Variants in SRGAP3 observed in about 807,000 individuals in gnomAD.
The protein encoded by SRGAP3 is SLIT-ROBO Rho GTPase-activating protein 3.
In SRGAP3, 39 loss-of-function variants were observed where a neutral mutation model predicts 121.1. That is an observed-to-expected ratio of 0.32 (90% CI 0.25 to 0.42). The LOEUF (loss-of-function observed/expected upper bound fraction) is 0.42. Ranked by LOEUF, SRGAP3 falls within the 10% of genes least tolerant of loss-of-function variation. The probability of loss-of-function intolerance (pLI) is 1.00; values close to 1 mark genes in which losing one functional copy is unlikely to be tolerated. For missense variants in SRGAP3, 1,213 were observed against 1,470.6 expected, an observed-to-expected ratio of 0.82 and a Z score of 2.86; for synonymous variants, 601 against 570.0, an observed-to-expected ratio of 1.05 and a Z score of -0.77.
intron 4 of SRGAP3, among the ~76,000 whole-genome samples, chr3:9,071,368 G>A (rs1226320812): frequency 2.0e-5 from 3 of 152,076 alleles, no homozygotes; most frequent in South Asian, 2.1e-4. Flanking sequence ...ATCCTGGGGT[G>A]GGCATGAGAC....
Position 9,204,652 on chromosome 3 carries a change from T to C in SRGAP3, c.67+44233A>G, listed in dbSNP as rs1383283935. On this transcript the variant is annotated intron_variant, in intron 1 of 21. Coordinates refer to ENST00000383836, the MANE Select transcript of SRGAP3 (RefSeq NM_014850.4). ...CGAGGTACCAACTCTCCCTAAGGTC[T>C]TTTTTTTTTTTAAGTCCTAAGTGAA... Among the ~76,000 whole-genome samples the C allele has an allele frequency of 5.1e-3, 31 of 6,100 alleles. 2 individuals are homozygous for C. Among genetic ancestry groups the C allele is most frequent in the African/African-American group, 0.032 (31 of 960 alleles). 4.0% of individuals were successfully genotyped at this position (6,100 alleles called of 152,430 possible). A position where few individuals can be genotyped will look rare whatever the true frequency, so the allele number is the denominator to read the frequency against.
In SRGAP3 at chr3:9,000,840, G is replaced by C. The variant is rs1402193499; in HGVS notation, c.2228-6317C>G. ...AATAGCAATCATCCAGCAATTAGTAGAGATTAACAGCCGGAAAGGATCCGG... is the reference window on the plus strand; with the variant it reads ...AATAGCAATCATCCAGCAATTAGTACAGATTAACAGCCGGAAAGGATCCGG... On this transcript the variant is annotated intron_variant, in intron 18 of 21. Transcript: ENST00000383836. Among the ~76,000 whole-genome samples the C allele has an allele frequency of 2.6e-5, 4 of 152,178 alleles. No individual in the cohort carries two copies. In the South Asian group the frequency reaches 6.2e-4, roughly 24 times the overall value.
chr3:9,270,755 G>T (rs1286905886), intron 3 of SRGAP3, among the ~76,000 whole-genome samples: 1 of 152,068 alleles, frequency 6.6e-6, no homozygotes, highest in Non-Finnish European at 1.5e-5. Flanking sequence ...GAAGGGAGGT[G>T]GGAGTTTCAT....
chr3:9,030,971 T>C (rs1340361257), intron 12 of SRGAP3, among the ~76,000 whole-genome samples: 1 of 152,182 alleles, frequency 6.6e-6, no homozygotes, highest in Non-Finnish European at 1.5e-5. Context: ...TTGTTTATTT[T>C]TGAGACAGGA....
intron 1 of SRGAP3, chr3:9,348,517 G>C: frequency 1.3e-6 from 1 of 751,716 alleles, no homozygotes. Flanking sequence ...TCAGCAGCTG[G>C]TACAACACCG....
chr3:9,122,183 G>A (rs749908862), intron 2 of SRGAP3, among the ~76,000 whole-genome samples: 13 of 152,182 alleles, frequency 8.5e-5, no homozygotes, highest in Non-Finnish European at 1.5e-4. Context: ...TAAAAGACAA[G>A]GGAGAAATGA....
chr3:9,228,033 A>C (rs1299983241), intron 1 of SRGAP3, among the ~76,000 whole-genome samples: 1 of 152,150 alleles, frequency 6.6e-6, no homozygotes, highest in African/African-American at 2.4e-5. Flanking sequence ...TGTACAACCC[A>C]ATCTGATGAT....
At chr3:9,187,516 C>T (rs931833466) in intron 1 of SRGAP3, among the ~76,000 whole-genome samples, 8 of 152,122 alleles carry the variant, frequency 5.3e-5, no homozygotes, top group Non-Finnish European at 1.2e-4. Flanking sequence ...AATCACAAAT[C>T]GAGCAGTCTT....
rs139293136 is a variant in SRGAP3 at position 9,318,928 on chromosome 3, A to G, written n.442+7082T>C. 1.4e-3 allele frequency among the ~76,000 whole-genome samples: 215 copies of G among 151,810 alleles called. 2 individuals carry two copies. The South Asian group carries it at 0.024, about 17-fold the overall frequency. On this transcript the variant is annotated intron_variant and non_coding_transcript_variant, in intron 3 of 3. Coordinates refer to the SRGAP3 transcript ENST00000490889. Reference sequence around the variant, plus strand: ...AGAAAGAAAGAAAATCAAAGCCAGGAAGATCCTTATTTTGTTTTTTCTGAT... The same window carrying G: ...AGAAAGAAAGAAAATCAAAGCCAGGGAGATCCTTATTTTGTTTTTTCTGAT...
intron 1 of SRGAP3, among the ~76,000 whole-genome samples, chr3:9,332,028 G>A (rs1955616882): frequency 6.6e-6 from 1 of 152,206 alleles, no homozygotes. Flanking sequence ...AGTGAAAGAA[G>A]ATCTCAAGTC....
At chr3:9,062,068 G>T (rs945822140) in intron 5 of SRGAP3, among the ~76,000 whole-genome samples, 2 of 122,232 alleles carry the variant, frequency 1.6e-5, no homozygotes, top group African/African-American at 6.2e-5. Context: ...TACATCCTAC[G>T]CCAGCCATGC....
chr3:9,271,108 C>T (rs1224082844), intron 3 of SRGAP3, among the ~76,000 whole-genome samples: 1 of 152,144 alleles, frequency 6.6e-6, no homozygotes, highest in African/African-American at 2.4e-5. Flanking sequence ...CCAAGGCGGG[C>T]AGATCACTTG....
intron 3 of SRGAP3, among the ~76,000 whole-genome samples, chr3:9,095,797 G>T (rs1460903297): frequency 6.6e-6 from 1 of 152,186 alleles, no homozygotes; most frequent in African/African-American, 2.4e-5. Flanking sequence ...GCGAGGTACA[G>T]TGGCTCATGC....
chr3:9,156,424 C>T (rs1279058504), intron 1 of SRGAP3, among the ~76,000 whole-genome samples: 1 of 152,200 alleles, frequency 6.6e-6, no homozygotes, highest in Non-Finnish European at 1.5e-5. Flanking sequence ...GGGCTTAAAT[C>T]CCATGGTGAT....
At chr3:9,057,298 G>A (rs1945870647) in intron 7 of SRGAP3, among the ~76,000 whole-genome samples, 1 of 152,134 alleles carries the variant, frequency 6.6e-6, no homozygotes, top group Non-Finnish European at 1.5e-5. Flanking sequence ...CCCCTTCCAG[G>A]AACACAGCTA....
At chr3:9,063,166 T>A (rs2125203591) in intron 5 of SRGAP3, among the ~76,000 whole-genome samples, 1 of 140,116 alleles carries the variant, frequency 7.1e-6, no homozygotes, top group Middle Eastern at 3.5e-3. Context: ...AGGGTCTTAC[T>A]CTGTTGCCCA....
intron 18 of SRGAP3, among the ~76,000 whole-genome samples, chr3:8,997,710 G>A (rs1559871584): frequency 6.6e-6 from 1 of 152,070 alleles, no homozygotes; most frequent in Admixed American, 6.5e-5. Context: ...ATTTCACAGT[G>A]AACATGCATG....
At position 9,154,299 on chromosome 3, in the gene SRGAP3, G is replaced by A. The variant is rs539415472; in HGVS notation, c.68-29382C>T. The stretch of plus-strand genomic sequence containing the variant: ...AAACAGTGTTCATTTCTTCACCACC[G>A]CCGCCCCTGGGGAATGAGGTAAGAC... On this transcript the variant is annotated intron_variant, in intron 1 of 21. Transcript: ENST00000383836. Among the ~76,000 whole-genome samples, 41 of 152,030 alleles carry A rather than the reference G, an allele frequency of 2.7e-4. No homozygotes were observed. The South Asian group carries it at 7.7e-3, about 29-fold the overall frequency.
At chr3:9,019,260 G>A (rs2125050025) in intron 14 of SRGAP3, among the ~76,000 whole-genome samples, 1 of 152,318 alleles carries the variant, frequency 6.6e-6, no homozygotes, top group Admixed American at 6.5e-5. Context: ...AGACATATAT[G>A]CAGTTTTTTC....
Sources: gnomAD v4.1 joint callset for allele counts (sites outside exome capture counted in the v4.1 genomes callset) on GRCh38, gnomAD v4.1.1 for gene constraint, MANE v1.5 for transcripts, NCBI Gene and HGNC (gene_info 2026-07-23, HGNC 2026-07-21) for gene names.